Variants in NSD3 observed in about 807,000 individuals in gnomAD.
The protein encoded by NSD3 is histone-lysine N-methyltransferase NSD3.
In NSD3, 24 loss-of-function variants were observed where a neutral mutation model predicts 160.8. The ratio of observed to expected loss-of-function variants is 0.15; its 90% CI spans 0.11 to 0.21. NSD3 has a LOEUF of 0.21. Ranked by LOEUF, NSD3 falls within the 10% of genes least tolerant of loss-of-function variation. The probability of loss-of-function intolerance (pLI) is 1.00; values close to 1 mark genes in which losing one functional copy is unlikely to be tolerated. For synonymous variants in NSD3, 520 were observed against 600.0 expected (o/e 0.87, Z 1.95); for missense variants, 1,157 against 1,735.9 (o/e 0.67, Z 5.93).
At position 38,273,983 on chromosome 8, in the gene NSD3, T is replaced by C. The variant is rs1038398458; in HGVS notation, c.*1658A>G. The C allele has an allele frequency of 1.3e-5, 2 of 152,206 alleles. No homozygotes were observed. The highest frequency in any genetic ancestry group is 2.4e-5 in the African/African-American group (1 of 41,444). The allele number at this position is 152,206 out of a possible 1,614,324, so 9.4% of individuals were successfully genotyped here. ...AGGCACAAAACAGATTTTCACCCTC[T>C]TTCCATAGAAGAGCTCTAAATTGAT... On this transcript the variant is annotated 3_prime_UTR_variant, in exon 24 of 24. Transcript: ENST00000317025.
In NSD3 at chr8:38,382,168, A is replaced by G. The variant is rs1356305294; in HGVS notation, c.-414T>C. ...CACGGTCCTCGGCGCTCGGCTCGGA[A>G]TTCGCACGCCTCTCCGCGGCGACCT... On this transcript the variant is annotated 5_prime_UTR_variant, in exon 1 of 24. Coordinates refer to ENST00000317025, the MANE Select transcript of NSD3 (RefSeq NM_023034.2). This position sits in a 1 kb window ranked among gnomAD's most constrained non-coding sequence, Gnocchi z 4.2. The G allele has an allele frequency of 6.5e-6, 1 of 153,104 alleles. No homozygotes were observed. Among genetic ancestry groups the G allele is most frequent in the African/African-American group, 2.4e-5 (1 of 41,398 alleles). The allele number at this position is 153,104 out of a possible 1,614,324, so 9.5% of individuals were successfully genotyped here.
In NSD3 at chr8:38,315,544, C is replaced by T; in HGVS notation, c.1987G>A (p.Val663Ile). Residue 663 changes from valine (V) to isoleucine (I), a missense_variant and splice_region_variant, in exon 11 of 24, where the codon GTA becomes ATA. Val to Ile is a conservative substitution (Grantham distance 29). Transcript: ENST00000317025. ...SDSRGLSDLQ[V>I]GFGKQVDSPS... is the part of the protein sequence containing the mutation. ...CTATCTACTTGCTTTCCAAAGCCTA[C>T]CTACATAGAAAACATAGCATTTTTA... The T allele has an allele frequency of 6.2e-7, 1 of 1,612,988 alleles. No homozygotes were observed. The highest frequency in any genetic ancestry group is 8.5e-7 in the Non-Finnish European group (1 of 1,179,660).
chr8:38,353,075 C>T (rs1563365705), intron 1 of NSD3, among the ~76,000 whole-genome samples: 2 of 152,074 alleles, frequency 1.3e-5, no homozygotes, highest in Non-Finnish European at 2.9e-5. Flanking sequence ...TCCTATTATA[C>T]ATAGGGAAAT....
At chr8:38,333,435 TGA>T (rs769185773) in intron 4 of NSD3, among the ~76,000 whole-genome samples, 4 of 152,244 alleles carry the variant, frequency 2.6e-5, no homozygotes, top group Non-Finnish European at 5.9e-5. Flanking sequence ...AAATTTTTAA[TGA>T]GTCCTAAATA....
chr8:38,325,334 C>CT (rs935010981), intron 7 of NSD3, among the ~76,000 whole-genome samples: 1 of 152,092 alleles, frequency 6.6e-6, no homozygotes, highest in Non-Finnish European at 1.5e-5. Context: ...AATAGTTTAA[C>CT]TTTTTTTTCT....
At position 38,274,624 on chromosome 8, in the gene NSD3, T is replaced by A. The variant is rs184644199; in HGVS notation, c.*1017A>T. 2.4e-4 allele frequency: 37 copies of A among 152,342 alleles called. No individual in the cohort carries two copies. Among genetic ancestry groups the A allele is most frequent in the African/African-American group, 7.9e-4 (33 of 41,570 alleles). The allele number at this position is 152,342 out of a possible 1,614,324, so 9.4% of individuals were successfully genotyped here. A position where few individuals can be genotyped will look rare whatever the true frequency, so the allele number is the denominator to read the frequency against. The stretch of plus-strand genomic sequence containing the variant: ...CAGGAAACATGACTGAATGGTCAGA[T>A]GACAAAAGAAATGTTTGAGTAGGAG... On this transcript the variant is annotated 3_prime_UTR_variant, in exon 24 of 24. Coordinates refer to ENST00000317025, the MANE Select transcript of NSD3 (RefSeq NM_023034.2).
chr8:38,372,581 C>T (rs1458109994), intron 1 of NSD3, among the ~76,000 whole-genome samples: 1 of 150,624 alleles, frequency 6.6e-6, no homozygotes, highest in Admixed American at 6.6e-5. Context: ...ATTGCAACCT[C>T]CGCCTCCCGG....
chr8:38,340,889 G>T (rs556797441), intron 2 of NSD3, among the ~76,000 whole-genome samples: 2 of 152,128 alleles, frequency 1.3e-5, no homozygotes, highest in African/African-American at 4.8e-5. Flanking sequence ...GCTATGGCTC[G>T]GCATGGTGTG....
chr8:38,348,352 A>G (rs1345267312), intron 1 of NSD3, 137 bp from the exon 2 acceptor site: 4 of 585,676 alleles, frequency 6.8e-6, no homozygotes, highest in Non-Finnish European at 1.1e-5. Context: ...AAATATTTCT[A>G]AAACAGATAA....
At position 38,344,777 on chromosome 8, in the gene NSD3, G is replaced by A. The variant is rs182575642; in HGVS notation, c.675+2720C>T. Among the ~76,000 whole-genome samples the A allele has an allele frequency of 5.5e-4, 83 of 152,252 alleles. No homozygotes were observed. The Middle Eastern group carries it at 0.024, about 44-fold the overall frequency. On this transcript the variant is annotated intron_variant, in intron 2 of 23. Transcript: ENST00000317025. ...TTATGTTTCCCTGAGGCATCTGGGG[G>A]AGGGAAGCTGTCCAGTGAAGTCAGT...
intron 4 of NSD3, among the ~76,000 whole-genome samples, chr8:38,332,841 G>C (rs74716160): frequency 0.015 from 2,229 of 152,112 alleles, 24 homozygotes; most frequent in Non-Finnish European, 0.024. Flanking sequence ...GCGAAAAATA[G>C]TCTGAAAAAT....
chr8:38,311,868 T>C (rs547804191), intron 12 of NSD3, among the ~76,000 whole-genome samples: 4 of 152,334 alleles, frequency 2.6e-5, no homozygotes, highest in Non-Finnish European at 5.9e-5. Flanking sequence ...CCACATCCAT[T>C]GTCATGAAGC....
chr8:38,285,112 T>C (rs895486258), intron 19 of NSD3, among the ~76,000 whole-genome samples: 40 of 152,078 alleles, frequency 2.6e-4, no homozygotes, highest in African/African-American at 8.7e-4. Flanking sequence ...AGGCTGTCAG[T>C]CAATATTTAA....
chr8:38,311,459 TG>T (rs1270210348), intron 12 of NSD3, among the ~76,000 whole-genome samples: 1 of 152,160 alleles, frequency 6.6e-6, no homozygotes, highest in East Asian at 1.9e-4. Flanking sequence ...CCCGAGTAGC[TG>T]GAATTATAGG....
At chr8:38,357,032 T>C (rs959302078) in intron 1 of NSD3, among the ~76,000 whole-genome samples, 2 of 147,124 alleles carry the variant, frequency 1.4e-5, no homozygotes, top group Non-Finnish European at 1.5e-5. Context: ...GGCAGGAGAA[T>C]TGCTTGAATC....
chr8:38,309,424 C>T (rs1200581169), intron 12 of NSD3, among the ~76,000 whole-genome samples: 4 of 151,758 alleles, frequency 2.6e-5, no homozygotes, highest in South Asian at 2.1e-4. Flanking sequence ...GCTGAGATTG[C>T]GCCACTGCAC....
At chr8:38,351,604 A>C (rs1177548436) in intron 1 of NSD3, among the ~76,000 whole-genome samples, 1 of 151,460 alleles carries the variant, frequency 6.6e-6, no homozygotes, top group Non-Finnish European at 1.5e-5. Context: ...CAGAGGTTGC[A>C]GTGAGCAGAG....
At chr8:38,360,902 T>G (rs889001263) in intron 1 of NSD3, among the ~76,000 whole-genome samples, 4 of 152,242 alleles carry the variant, frequency 2.6e-5, no homozygotes, top group Admixed American at 1.3e-4. Context: ...TCCATCTATA[T>G]ATAATAAACT....
Position 38,321,296 on chromosome 8 carries a change from C to T in NSD3, c.1709-124G>A. On this transcript the variant is annotated intron_variant, in intron 7 of 23. Coordinates refer to ENST00000317025, the MANE Select transcript of NSD3 (RefSeq NM_023034.2). The surrounding 1 kb of genome is among the most constrained non-coding windows in gnomAD (Gnocchi z 4.7). The stretch of plus-strand genomic sequence containing the variant: ...TTACTTTTGGAATTTTAATTAAAAT[C>T]ATTAAAAAATGCTAAACATTCAGGA... 1.4e-6 allele frequency: 1 copy of T among 693,810 alleles called. No homozygotes were observed. The highest frequency in any genetic ancestry group is 2.3e-6 in the Non-Finnish European group (1 of 434,310). 43.0% of individuals were successfully genotyped at this position (693,810 alleles called of 1,614,324 possible).
Sources: allele counts gnomAD v4.1 joint callset (sites outside exome capture counted in the v4.1 genomes callset), GRCh38; gene constraint gnomAD v4.1.1; non-coding constraint Gnocchi (gnomAD v3.1); transcripts MANE v1.5; gene names NCBI Gene and HGNC (gene_info 2026-07-23, HGNC 2026-07-21).